GPCPD1: variants seen among roughly 807,000 people sequenced by gnomAD.
The protein encoded by GPCPD1 is glycerophosphocholine phosphodiesterase 1.
A neutral mutation model predicts 89.2 loss-of-function variants in GPCPD1; 29 were observed. That is an observed-to-expected ratio of 0.33 (90% CI 0.24 to 0.44). The LOEUF is 0.44. Among genes scored for constraint, GPCPD1 ranks in the 20% least tolerant of loss-of-function variants. GPCPD1 has a pLI of 1.00. For missense variants in GPCPD1, 594 were observed against 808.9 expected (o/e 0.73, Z 3.22); for synonymous variants, 258 against 266.3 (o/e 0.97, Z 0.30).
chr20:5,567,704 C>T, intron 12 of GPCPD1, 144 bp from the exon 13 acceptor site: 1 of 733,066 alleles, frequency 1.4e-6, no homozygotes. Context: ...CTGTTAGTAG[C>T]CATACTGAGC....
intron 4 of GPCPD1, among the ~76,000 whole-genome samples, chr20:5,589,975 C>T (rs1406744764): frequency 1.3e-5 from 2 of 152,092 alleles, no homozygotes; most frequent in Non-Finnish European, 2.9e-5. Flanking sequence ...TGTATATTAA[C>T]AAAAATATTT....
Position 5,556,641 on chromosome 20 carries a change from C to T in GPCPD1, c.1829+1304G>A, listed in dbSNP as rs73896219. Among the ~76,000 whole-genome samples the T allele has an allele frequency of 9.4e-3, 1,436 of 152,322 alleles. 26 individuals are homozygous for T. The highest frequency in any genetic ancestry group is 0.032 in the African/African-American group (1,350 of 41,572). ...GCTAATCCCTCAGCAGAGTAAATGA[C>T]ATCCCTTCTAACCCCAAATATCTTT... is the stretch of plus-strand genomic sequence containing the variant. On this transcript the variant is annotated intron_variant, in intron 19 of 19. Transcript: ENST00000379019.
intron 19 of GPCPD1, among the ~76,000 whole-genome samples, chr20:5,550,942 A>T (rs554510548): frequency 1.3e-5 from 2 of 152,222 alleles, no homozygotes; most frequent in African/African-American, 2.4e-5. Context: ...AGGCAGACGT[A>T]TTGAGGGCTA....
chr20:5,595,769 A>G lies in GPCPD1; in HGVS notation c.147-2358T>C, dbSNP rs1052427073. Among the ~76,000 whole-genome samples, 4 of 150,776 alleles carry G rather than the reference A, an allele frequency of 2.7e-5. No individual in the cohort carries two copies. The East Asian group carries it at 8.1e-4, about 30-fold the overall frequency. On this transcript the variant is annotated intron_variant, in intron 3 of 19. Coordinates refer to ENST00000379019, the MANE Select transcript of GPCPD1 (RefSeq NM_019593.5). ...CAGGTGGACTCTTCCAATTAAGAAT[A>G]GAAAGTTGCCATTTCTGCTACCCCA...
At chr20:5,563,062 A>G (rs2122591938) in intron 15 of GPCPD1, among the ~76,000 whole-genome samples, 1 of 151,348 alleles carries the variant, frequency 6.6e-6, no homozygotes, top group Middle Eastern at 3.4e-3. Context: ...GGCTCACTGC[A>G]AGCTCCGCCT....
At chr20:5,579,064 A>C (rs1978315922) in intron 7 of GPCPD1, among the ~76,000 whole-genome samples, 1 of 150,170 alleles carries the variant, frequency 6.7e-6, no homozygotes, top group Admixed American at 6.6e-5. Context: ...ACATGCCTGT[A>C]GTCCCAGCTA....
At chr20:5,551,633 A>G (rs376506379) in intron 19 of GPCPD1, among the ~76,000 whole-genome samples, 5 of 152,212 alleles carry the variant, frequency 3.3e-5, no homozygotes, top group African/African-American at 1.2e-4. Context: ...AACTATACAA[A>G]ACTACAGCTG....
intron 19 of GPCPD1, chr20:5,549,178 T>A (rs1985222338): frequency 1.5e-6 from 1 of 664,966 alleles, no homozygotes; most frequent in African/African-American, 1.8e-5. Context: ...TAATTTACAT[T>A]GAACAAACAG....
chr20:5,547,807 C>A lies in GPCPD1; in HGVS notation c.1873G>T (p.Glu625Ter). ...TCCTGCTTCAGGCGTTCCAATTGCTCCACTTGGAATATATTTGGTTGTTCA... is the reference window on the plus strand; with the variant it reads ...TCCTGCTTCAGGCGTTCCAATTGCTACACTTGGAATATATTTGGTTGTTCA... The part of the protein sequence containing the change: ...MPEQPNIFQV[E>*]QLERLKQELP... Residue 625 changes from glutamate (E) to a stop codon, truncating the protein, a stop_gained, in exon 20 of 20, where the codon GAG becomes TAG. Transcript: ENST00000379019. LOFTEE classifies it high-confidence loss of function. 6.2e-7 allele frequency: 1 copy of A among 1,608,870 alleles called. No homozygotes were observed. Among genetic ancestry groups the A allele is most frequent in the South Asian group, 1.1e-5 (1 of 90,744 alleles).
chr20:5,603,227 A>T (rs1980299916), intron 2 of GPCPD1, among the ~76,000 whole-genome samples: 1 of 152,130 alleles, frequency 6.6e-6, no homozygotes, highest in Non-Finnish European at 1.5e-5. Flanking sequence ...CGGGAGGCGG[A>T]GGTTGCAGTG....
At chr20:5,588,831 G>C (rs1346258934) in intron 4 of GPCPD1, among the ~76,000 whole-genome samples, 1 of 143,522 alleles carries the variant, frequency 7.0e-6, no homozygotes, top group African/African-American at 2.6e-5. Context: ...TCTCAAAAAA[G>C]AAAAAGAAAA....
intron 19 of GPCPD1, among the ~76,000 whole-genome samples, chr20:5,552,989 A>G (rs1942203046): frequency 1.3e-5 from 2 of 152,080 alleles, no homozygotes; most frequent in East Asian, 1.9e-4. Flanking sequence ...TAAATTTCTT[A>G]TAATTTAATT....
chr20:5,604,854 G>A (rs1302022078), intron 1 of GPCPD1, among the ~76,000 whole-genome samples: 1 of 151,554 alleles, frequency 6.6e-6, no homozygotes. Context: ...GATTGAGACT[G>A]AGCTGGGAGG....
chr20:5,573,007 G>GACT (rs996543516), intron 11 of GPCPD1, among the ~76,000 whole-genome samples: 2 of 151,906 alleles, frequency 1.3e-5, no homozygotes, highest in Non-Finnish European at 2.9e-5. Flanking sequence ...AAGTAGGTGG[G>GACT]ACTATAGGTA....
intron 19 of GPCPD1, among the ~76,000 whole-genome samples, chr20:5,553,106 C>G (rs1985526434): frequency 6.6e-6 from 1 of 152,174 alleles, no homozygotes; most frequent in South Asian, 2.1e-4. Flanking sequence ...CAAATTGAAG[C>G]TTTGTGACCA....
chr20:5,592,110 C>T (rs1383999612), intron 4 of GPCPD1, among the ~76,000 whole-genome samples: 1 of 152,120 alleles, frequency 6.6e-6, no homozygotes, highest in Non-Finnish European at 1.5e-5. Context: ...AAACTATGCC[C>T]AAAGAACTCA....
chr20:5,606,189 A>G (rs935734455), intron 1 of GPCPD1, among the ~76,000 whole-genome samples: 1 of 152,190 alleles, frequency 6.6e-6, no homozygotes, highest in East Asian at 1.9e-4. Context: ...ACATGTACAT[A>G]TAATATACTT....
Position 5,558,114 on chromosome 20 carries a change from A to C in GPCPD1, c.1669-9T>G. On this transcript the variant is annotated splice_polypyrimidine_tract_variant and intron_variant, in intron 18 of 19. Coordinates refer to ENST00000379019, the MANE Select transcript of GPCPD1 (RefSeq NM_019593.5). Reference sequence around the variant, plus strand: ...GTATGTACATTTATCCCCTAGAAGAAGAAAAATTAGTTGTGCATGAAAAAG... The same window carrying C: ...GTATGTACATTTATCCCCTAGAAGACGAAAAATTAGTTGTGCATGAAAAAG... The C allele has an allele frequency of 6.5e-7, 1 of 1,546,802 alleles. No homozygotes were observed. The highest frequency in any genetic ancestry group is 8.8e-7 in the Non-Finnish European group (1 of 1,139,034).
chr20:5,551,281 G>A (rs549623076), intron 19 of GPCPD1, among the ~76,000 whole-genome samples: 2 of 152,296 alleles, frequency 1.3e-5, no homozygotes, highest in African/African-American at 4.8e-5. Context: ...CACACACAAA[G>A]AAGTACACGC....
Sources: allele counts gnomAD v4.1 joint callset (sites outside exome capture counted in the v4.1 genomes callset), GRCh38; gene constraint gnomAD v4.1.1; transcripts MANE v1.5; gene names NCBI Gene and HGNC (gene_info 2026-07-23, HGNC 2026-07-21).